The following HIPK2 variants were observed in gnomAD, a reference collection of about 807,000 sequenced individuals.
The protein encoded by HIPK2 is homeodomain-interacting protein kinase 2.
HIPK2 carries 27 observed loss-of-function variants against 113.7 expected under a neutral mutation model. The ratio of observed to expected loss-of-function variants is 0.24; its 90% confidence interval spans 0.17 to 0.33. The LOEUF (loss-of-function observed/expected upper bound fraction) is 0.33, where lower values mean the gene tolerates loss of function less well. Ranked by LOEUF, HIPK2 falls within the 10% of genes least tolerant of loss-of-function variation. The pLI, the probability that HIPK2 is intolerant of heterozygous loss-of-function variation, is 1.00. For synonymous variants in HIPK2, 631 were observed against 642.2 expected, an observed-to-expected ratio of 0.98 and a Z score of 0.26; for missense variants, 1,257 against 1,588.0, an observed-to-expected ratio of 0.79 and a Z score of 3.54.
chr7:139,598,197 T>A (rs1799289038), intron 11 of HIPK2, among the ~76,000 whole-genome samples: 1 of 152,232 alleles, frequency 6.6e-6, no homozygotes, highest in Non-Finnish European at 1.5e-5. Flanking sequence ...CAACCTGTAG[T>A]ATCTATGCAG....
intron 1 of HIPK2, among the ~76,000 whole-genome samples, chr7:139,753,367 G>C (rs1027223781): frequency 6.6e-6 from 1 of 152,172 alleles, no homozygotes; most frequent in African/African-American, 2.4e-5. Context: ...CAGCAACCAC[G>C]GGAGCCTTCC....
At chr7:139,717,145 T>G in intron 1 of HIPK2, 130 bp from the exon 2 acceptor site, 1 of 1,228,584 alleles carries the variant, frequency 8.1e-7, no homozygotes. Flanking sequence ...GAAAACAAGG[T>G]TGAAAAAGTG....
At chr7:139,736,546 G>A (rs1402148003) in intron 1 of HIPK2, among the ~76,000 whole-genome samples, 1 of 152,162 alleles carries the variant, frequency 6.6e-6, no homozygotes. Flanking sequence ...TGATTCCCAG[G>A]GAGGGCATCT....
intron 7 of HIPK2, 126 bp from the exon 8 acceptor site, chr7:139,614,619 G>C: frequency 1.6e-6 from 1 of 638,356 alleles, no homozygotes; most frequent in Non-Finnish European, 2.3e-6. Context: ...CAAAAACTAA[G>C]AGCAGAAAGG....
chr7:139,678,708 G>T (rs1802595485), intron 2 of HIPK2, among the ~76,000 whole-genome samples: 1 of 152,160 alleles, frequency 6.6e-6, no homozygotes, highest in African/African-American at 2.4e-5. Context: ...AAAGTCAGTG[G>T]TAGCTTGATG....
intron 13 of HIPK2, among the ~76,000 whole-genome samples, chr7:139,577,140 CTTTTTTTTTTT>C (rs966966045): frequency 2.2e-5 from 2 of 91,436 alleles, no homozygotes; most frequent in African/African-American, 4.3e-5. Flanking sequence ...ACTGGGCTTC[CTTTTTTTTTTT>C]TTTTTTTTTT....
intron 9 of HIPK2, among the ~76,000 whole-genome samples, chr7:139,606,488 A>C (rs1054290886): frequency 6.6e-6 from 1 of 152,250 alleles, no homozygotes; most frequent in African/African-American, 2.4e-5. Context: ...AGAGTAGGAG[A>C]GAGGCAATCA....
chr7:139,671,090 T>C (rs533384171), intron 2 of HIPK2, among the ~76,000 whole-genome samples: 2 of 152,272 alleles, frequency 1.3e-5, no homozygotes, highest in East Asian at 1.9e-4. Flanking sequence ...CAATTTTAAA[T>C]ACCTTCTAGT....
In HIPK2 at chr7:139,570,444, C is replaced by G. The variant is rs1328953568; in HGVS notation, c.*2483G>C. The G allele has an allele frequency of 6.6e-6, 1 of 152,258 alleles. No homozygotes were observed. The highest frequency in any genetic ancestry group is 2.4e-5 in the African/African-American group (1 of 41,444). 9.4% of individuals were successfully genotyped at this position (152,258 alleles called of 1,614,324 possible). A position where few individuals can be genotyped will look rare whatever the true frequency, so the allele number is the denominator to read the frequency against. On this transcript the variant is annotated 3_prime_UTR_variant, in exon 15 of 15. Coordinates refer to ENST00000406875, the MANE Select transcript of HIPK2 (RefSeq NM_022740.5). ...GGGAAGGGAATCTCCTTGCTGCAGG[C>G]CTCTTGCCGGCACAGCCTCCAGCAG... is the stretch of plus-strand genomic sequence containing the variant.
intron 1 of HIPK2, among the ~76,000 whole-genome samples, chr7:139,728,220 G>A (rs1795648111): frequency 6.6e-6 from 1 of 152,160 alleles, no homozygotes; most frequent in Non-Finnish European, 1.5e-5. Flanking sequence ...TGGGATTACA[G>A]GTGTGAGCCA....
chr7:139,672,041 A>C (rs187248958), intron 2 of HIPK2, among the ~76,000 whole-genome samples: 1 of 151,736 alleles, frequency 6.6e-6, no homozygotes, highest in South Asian at 2.1e-4. Flanking sequence ...GATTTTTATA[A>C]AAGATTTTTA....
chr7:139,614,204 C>A, intron 8 of HIPK2, 82 bp downstream of exon 8: 2 of 1,195,364 alleles, frequency 1.7e-6, no homozygotes, highest in South Asian at 5.0e-5. Flanking sequence ...TGAAAATGAG[C>A]GTGACAGAAA....
chr7:139,648,211 T>C (rs1390466590), intron 2 of HIPK2, among the ~76,000 whole-genome samples: 5 of 152,206 alleles, frequency 3.3e-5, no homozygotes, highest in Admixed American at 3.3e-4. Context: ...CAACCCCACA[T>C]ACCCCAAAGT....
At chr7:139,735,339 C>T (rs1795906937) in intron 1 of HIPK2, among the ~76,000 whole-genome samples, 1 of 152,178 alleles carries the variant, frequency 6.6e-6, no homozygotes, top group African/African-American at 2.4e-5. Flanking sequence ...TCTCTGGATG[C>T]TAGGATTATC....
intron 2 of HIPK2, among the ~76,000 whole-genome samples, chr7:139,638,819 G>A (rs981538481): frequency 4.6e-5 from 7 of 151,850 alleles, no homozygotes; most frequent in African/African-American, 1.7e-4. Context: ...CACCATGCCC[G>A]GCTAATTTTT....
At chr7:139,580,600 G>A (rs1798635680) in intron 13 of HIPK2, among the ~76,000 whole-genome samples, 1 of 152,206 alleles carries the variant, frequency 6.6e-6, no homozygotes, top group African/African-American at 2.4e-5. Context: ...AACAGCCACA[G>A]TGGCCCTGTC....
chr7:139,593,348 G>A (rs1799089857), intron 12 of HIPK2, among the ~76,000 whole-genome samples: 1 of 152,202 alleles, frequency 6.6e-6, no homozygotes, highest in Non-Finnish European at 1.5e-5. Context: ...CCCAGTGCAT[G>A]TTTGCTATGA....
Position 139,733,792 on chromosome 7 carries a change from C to T in HIPK2, c.20-16777G>A, listed in dbSNP as rs141671402. On this transcript the variant is annotated intron_variant, in intron 1 of 14. Coordinates refer to ENST00000406875, the MANE Select transcript of HIPK2 (RefSeq NM_022740.5). ...TCTTGGCCAAATGATCCACCTTGGA[C>T]AATAAGAAGTACGCAAGAAGTAGCA... 3.3e-5 allele frequency among the ~76,000 whole-genome samples: 5 copies of T among 152,306 alleles called. No individual in the cohort carries two copies. In the East Asian group the frequency reaches 9.6e-4, roughly 29 times the overall value.
chr7:139,574,297 C>G (rs1436863785), intron 14 of HIPK2, among the ~76,000 whole-genome samples: 1 of 151,996 alleles, frequency 6.6e-6, no homozygotes, highest in Non-Finnish European at 1.5e-5. Flanking sequence ...TTACTTGAGT[C>G]CAGGAGGCAG....
Sources: gnomAD v4.1 joint callset for allele counts (sites outside exome capture counted in the v4.1 genomes callset) on GRCh38, gnomAD v4.1.1 for gene constraint, MANE v1.5 for transcripts, NCBI Gene and HGNC (gene_info 2026-07-23, HGNC 2026-07-21) for gene names.